ZSCAN25: variants seen among roughly 807,000 people sequenced by gnomAD.
ZSCAN25 encodes the protein zinc finger and SCAN domain-containing protein 25.
Under a neutral mutation model 38.7 loss-of-function variants are expected in ZSCAN25, and 27 were observed. That is an observed-to-expected ratio of 0.70 (90% CI 0.51 to 0.96). The LOEUF (loss-of-function observed/expected upper bound fraction) is 0.96. Ranked by LOEUF, ZSCAN25 falls within the 40% of genes least tolerant of loss-of-function variation. The pLI is 0.00. For missense variants in ZSCAN25, 637 were observed against 705.9 expected, an observed-to-expected ratio of 0.90 and a Z score of 1.11; for synonymous variants, 273 against 277.7, an observed-to-expected ratio of 0.98 and a Z score of 0.17.
At chr7:99,656,693 G>T in the ZSCAN25 span, among the ~76,000 whole-genome samples, 153 of 152,164 alleles carry the variant, frequency 1.0e-3, 3 homozygotes, top group South Asian at 0.011. Flanking sequence ...AGAATTCGGC[G>T]GTGAATCCAT....
chr7:99,669,850 A>T, the ZSCAN25 span, among the ~76,000 whole-genome samples: 1 of 152,216 alleles, frequency 6.6e-6, no homozygotes, highest in Non-Finnish European at 1.5e-5. Flanking sequence ...ATAGCTACAG[A>T]TGCTGCCCTG....
At chr7:99,708,341 G>A in the ZSCAN25 span, among the ~76,000 whole-genome samples, 3 of 152,186 alleles carry the variant, frequency 2.0e-5, no homozygotes, top group Admixed American at 1.3e-4. Flanking sequence ...TCACCCTTAT[G>A]TTGGTCATGA....
At chr7:99,645,094 G>A in the ZSCAN25 span, among the ~76,000 whole-genome samples, 5 of 152,292 alleles carry the variant, frequency 3.3e-5, no homozygotes, top group East Asian at 7.7e-4. Flanking sequence ...GGGTTCAAGC[G>A]ATTCTCGTGC....
the ZSCAN25 span, among the ~76,000 whole-genome samples, chr7:99,690,031 G>A: frequency 3.4e-4 from 52 of 152,260 alleles, no homozygotes; most frequent in Non-Finnish European, 6.5e-4. Context: ...CAGGCATCAC[G>A]CTACCTGACT....
At chr7:99,685,561 T>C in the ZSCAN25 span, among the ~76,000 whole-genome samples, 1 of 152,226 alleles carries the variant, frequency 6.6e-6, no homozygotes. Context: ...TTGTGCAAAC[T>C]TGTGGTTTCG....
the ZSCAN25 span, among the ~76,000 whole-genome samples, chr7:99,699,531 G>T: frequency 1.3e-5 from 2 of 152,282 alleles, 1 homozygote; most frequent in South Asian, 4.1e-4. Context: ...AGCAGACAGA[G>T]AACCCAGAAA....
the ZSCAN25 span, chr7:99,713,574 C>T: frequency 6.2e-7 from 1 of 1,612,394 alleles, no homozygotes; most frequent in Non-Finnish European, 8.5e-7. Context: ...CAGAAAGTGA[C>T]TCGTGAAGTC....
the ZSCAN25 span, among the ~76,000 whole-genome samples, chr7:99,682,050 C>T: frequency 6.6e-6 from 1 of 152,266 alleles, no homozygotes; most frequent in South Asian, 2.1e-4. Context: ...CTCACTGCCA[C>T]CTCCGCCTCC....
chr7:99,664,109 A>G, the ZSCAN25 span: 2 of 1,551,732 alleles, frequency 1.3e-6, no homozygotes, highest in South Asian at 1.3e-5. Context: ...TGGGAAAAAC[A>G]AAACAAACAA....
the ZSCAN25 span, chr7:99,720,531 A>AGAT: frequency 9.3e-7 from 1 of 1,080,104 alleles, no homozygotes; most frequent in Non-Finnish European, 1.4e-6. Context: ...TACAATACAC[A>AGAT]GTAATCTTAA....
the ZSCAN25 span, among the ~76,000 whole-genome samples, chr7:99,680,604 C>T: frequency 6.6e-6 from 1 of 152,150 alleles, no homozygotes; most frequent in African/African-American, 2.4e-5. Context: ...GGGTACTGTA[C>T]ACATGGTGGG....
chr7:99,718,558 C>CA, the ZSCAN25 span, among the ~76,000 whole-genome samples: 3 of 151,918 alleles, frequency 2.0e-5, no homozygotes, highest in Non-Finnish European at 4.4e-5. Flanking sequence ...AGAGAATCTA[C>CA]AAAAAAACCC....
chr7:99,632,989 G>GTTGTTTTTTTTTTTTTTT (rs1554412109), downstream of ZSCAN25, among the ~76,000 whole-genome samples: 2 of 128,560 alleles, frequency 1.6e-5, no homozygotes, highest in African/African-American at 6.0e-5. Flanking sequence ...ATTTTCTGTT[G>GTTGTTTTTTTTTTTTTTT]TTTTTTTTTT....
At chr7:99,664,168 C>G in the ZSCAN25 span, 1 of 1,188,964 alleles carries the variant, frequency 8.4e-7, no homozygotes, top group East Asian at 2.4e-5. Flanking sequence ...TTATAATTTT[C>G]TCTACCAGTA....
At chr7:99,735,065 T>C in the ZSCAN25 span, 1 of 1,613,998 alleles carries the variant, frequency 6.2e-7, no homozygotes, top group Non-Finnish European at 8.5e-7. Flanking sequence ...AAGCCAGGTT[T>C]CCACGGCCAA....
At chr7:99,678,694 A>T in the ZSCAN25 span, among the ~76,000 whole-genome samples, 2 of 152,256 alleles carry the variant, frequency 1.3e-5, no homozygotes, top group Non-Finnish European at 2.9e-5. Context: ...GAATGAATTT[A>T]AACCATATCA....
At chr7:99,618,768 A>C (rs1806679864) in intron 2 of ZSCAN25, 117 bp downstream of exon 2, 1 of 152,182 alleles carries the variant, frequency 6.6e-6, no homozygotes, top group Non-Finnish European at 1.5e-5. Context: ...TAAAGTTCAT[A>C]ATTCTTTCTG....
At chr7:99,654,000 G>GT in the ZSCAN25 span, among the ~76,000 whole-genome samples, 1 of 152,186 alleles carries the variant, frequency 6.6e-6, no homozygotes, top group South Asian at 2.1e-4. This position sits in a 1 kb window ranked among gnomAD's most constrained non-coding sequence, Gnocchi z 4.2. Flanking sequence ...CCAGACCAGA[G>GT]TGAGTCCAGT....
chr7:99,688,461 A>G, the ZSCAN25 span, among the ~76,000 whole-genome samples: 156 of 152,336 alleles, frequency 1.0e-3, no homozygotes, highest in African/African-American at 3.6e-3. Context: ...CAATTCAACA[A>G]GAAGAGCTAA....
Sources: allele counts gnomAD v4.1 joint callset (sites outside exome capture counted in the v4.1 genomes callset), GRCh38; gene constraint gnomAD v4.1.1; non-coding constraint Gnocchi (gnomAD v3.1); transcripts MANE v1.5; gene names NCBI Gene and HGNC (gene_info 2026-07-23, HGNC 2026-07-21).